The following LINGO2 variants were observed in gnomAD, a reference collection of about 807,000 sequenced individuals.
LINGO2 encodes leucine rich repeat and Ig domain containing 2.
Under a neutral mutation model 30.6 loss-of-function variants are expected in LINGO2, and 14 were observed. That is an observed-to-expected ratio of 0.46 (90% CI 0.30 to 0.72). The LOEUF is 0.72. Ranked by LOEUF, LINGO2 falls within the 30% of genes least tolerant of loss-of-function variation. The probability of loss-of-function intolerance (pLI) is 0.07; values close to 1 mark genes in which losing one functional copy is unlikely to be tolerated. For missense variants in LINGO2, 729 were observed against 751.7 expected (o/e 0.97, Z 0.35); for synonymous variants, 317 against 288.5 (o/e 1.10, Z -1.00).
chr9:28,988,667 G>C, the LINGO2 span, among the ~76,000 whole-genome samples: 2 of 152,144 alleles, frequency 1.3e-5, no homozygotes, highest in Non-Finnish European at 2.9e-5. Flanking sequence ...ACCAACACGG[G>C]CTTCTTGGGA....
At chr9:29,182,043 C>A in the LINGO2 span, among the ~76,000 whole-genome samples, 1 of 151,934 alleles carries the variant, frequency 6.6e-6, no homozygotes, top group African/African-American at 2.4e-5. Context: ...CCTGAGTGCG[C>A]CCACCTATGA....
At chr9:28,985,580 T>A in the LINGO2 span, among the ~76,000 whole-genome samples, 2 of 152,050 alleles carry the variant, frequency 1.3e-5, no homozygotes, top group Non-Finnish European at 2.9e-5. Flanking sequence ...TAATGTCTCA[T>A]TTTGCTTTGA....
At chr9:28,229,203 T>C (rs1236643587) in intron 4 of LINGO2, among the ~76,000 whole-genome samples, 2 of 151,890 alleles carry the variant, frequency 1.3e-5, no homozygotes, top group Non-Finnish European at 3.0e-5. Context: ...CCTCCTCTTA[T>C]ATATAGCACA....
At chr9:28,473,313 T>A (rs527492022) in intron 2 of LINGO2, among the ~76,000 whole-genome samples, 33 of 152,164 alleles carry the variant, frequency 2.2e-4, no homozygotes, top group Non-Finnish European at 3.1e-4. Context: ...TTAATGCAAT[T>A]CTTCTAGAAT....
In LINGO2 at chr9:28,521,123, G is replaced by T. The variant is rs191950707; in HGVS notation, c.-364-45098C>A. Among the ~76,000 whole-genome samples the T allele has an allele frequency of 9.9e-5, 15 of 152,208 alleles. No individual in the cohort carries two copies. In the East Asian group the frequency reaches 2.9e-3, roughly 29 times the overall value. On this transcript the variant is annotated intron_variant, in intron 1 of 5. Coordinates refer to ENST00000379992, the Ensembl canonical transcript of LINGO2. ...GGAATACTAATCCTCTGAATTATTT[G>T]TTATGACAGTAATATCATTCCGTTG...
chr9:29,008,252 G>C, the LINGO2 span, among the ~76,000 whole-genome samples: 1 of 152,224 alleles, frequency 6.6e-6, no homozygotes, highest in African/African-American at 2.4e-5. Flanking sequence ...CAAAGGACAG[G>C]AACTCATCCT....
At chr9:28,701,551 A>G in the LINGO2 span, among the ~76,000 whole-genome samples, 1 of 152,108 alleles carries the variant, frequency 6.6e-6, no homozygotes, top group Non-Finnish European at 1.5e-5. Flanking sequence ...TGGTTACTGT[A>G]TATTTAACAC....
chr9:27,983,951 G>C (rs1030238673), intron 5 of LINGO2, among the ~76,000 whole-genome samples: 1 of 151,866 alleles, frequency 6.6e-6, no homozygotes, highest in Non-Finnish European at 1.5e-5. Flanking sequence ...GTCTTGCACA[G>C]TTCCAGGGCT....
chr9:28,902,441 GGA>G, the LINGO2 span, among the ~76,000 whole-genome samples: 2 of 152,008 alleles, frequency 1.3e-5, no homozygotes. Flanking sequence ...AATAATAGTA[GGA>G]GATTTCATTA....
At chr9:28,169,341 T>C (rs1828518450) in intron 4 of LINGO2, among the ~76,000 whole-genome samples, 1 of 152,158 alleles carries the variant, frequency 6.6e-6, no homozygotes, top group South Asian at 2.1e-4. Context: ...TAAAAAAATT[T>C]TTATAGGATA....
the LINGO2 span, among the ~76,000 whole-genome samples, chr9:28,760,932 G>GTGTA: frequency 8.7e-6 from 1 of 115,302 alleles, no homozygotes; most frequent in African/African-American, 3.4e-5. Flanking sequence ...GTGTGTGTGT[G>GTGTA]TATATATATA....
chr9:28,228,062 T>A (rs1372581022), intron 4 of LINGO2, among the ~76,000 whole-genome samples: 1 of 152,058 alleles, frequency 6.6e-6, no homozygotes, highest in African/African-American at 2.4e-5. Flanking sequence ...TGTAGTCATA[T>A]CCTAATGATT....
In LINGO2 at chr9:28,632,877, TATGTAG is replaced by T. The variant is rs1563879183; in HGVS notation, c.-365+37317_-365+37322del. 3.1e-3 allele frequency among the ~76,000 whole-genome samples: 285 copies of T among 90,712 alleles called. 3 individuals carry two copies. The highest frequency in any genetic ancestry group is 0.011 in the African/African-American group (249 of 22,154). The allele number at this position is 90,712 out of a possible 152,430, so 59.5% of individuals were successfully genotyped here. A position where few individuals can be genotyped will look rare whatever the true frequency, so the allele number is the denominator to read the frequency against. On this transcript the variant is annotated intron_variant, in intron 1 of 5. Transcript: ENST00000379992. ...TTTTTTATATATATATATATATATA[TATGTAG>T]AGAGAGAGAGAGAGAGAGAGAGAGA...
At chr9:28,457,315 C>G (rs577341808) in intron 2 of LINGO2, among the ~76,000 whole-genome samples, 1 of 152,308 alleles carries the variant, frequency 6.6e-6, no homozygotes, top group Middle Eastern at 3.4e-3. Context: ...GACTGAAATG[C>G]TGGCAAAGCA....
At chr9:28,984,272 G>T in the LINGO2 span, among the ~76,000 whole-genome samples, 2 of 152,060 alleles carry the variant, frequency 1.3e-5, no homozygotes, top group African/African-American at 2.4e-5. Flanking sequence ...CATAAAGGTG[G>T]AGAGTGCTCA....
chr9:27,938,895 C>T, the LINGO2 span: 11 of 152,060 alleles, frequency 7.2e-5, no homozygotes, highest in Non-Finnish European at 1.3e-4. Flanking sequence ...TTTTCTGTAT[C>T]TTTTAAAACA....
At chr9:28,175,147 C>CA (rs1320992400) in intron 4 of LINGO2, among the ~76,000 whole-genome samples, 1 of 151,972 alleles carries the variant, frequency 6.6e-6, no homozygotes, top group Non-Finnish European at 1.5e-5. Context: ...TTAGAAGGGC[C>CA]AAGAAAGCAA....
intron 4 of LINGO2, among the ~76,000 whole-genome samples, chr9:28,158,120 C>A (rs1357670762): frequency 3.3e-5 from 5 of 152,160 alleles, no homozygotes; most frequent in Non-Finnish European, 7.3e-5. Flanking sequence ...AAGACATGCC[C>A]AGTCCTTCCA....
intron 4 of LINGO2, among the ~76,000 whole-genome samples, chr9:28,235,901 TAG>T (rs1381347060): frequency 6.6e-6 from 1 of 151,960 alleles, no homozygotes; most frequent in East Asian, 1.9e-4. Context: ...GAGATAGAGG[TAG>T]AGAGTTTATT....
Sources: gnomAD v4.1 joint callset for allele counts (sites outside exome capture counted in the v4.1 genomes callset) on GRCh38, gnomAD v4.1.1 for gene constraint, MANE v1.5 for transcripts, NCBI Gene and HGNC (gene_info 2026-07-23, HGNC 2026-07-21) for gene names.